WDR19: variants seen among roughly 807,000 people sequenced by gnomAD.
WDR19 encodes the protein WD repeat domain 19.
Under a neutral mutation model 180.0 loss-of-function variants are expected in WDR19, and 121 were observed. That is an observed-to-expected ratio of 0.67 (90% confidence interval 0.58 to 0.78). The LOEUF is 0.78. WDR19 is among the 30% of genes least tolerant of loss of function. The probability of loss-of-function intolerance (pLI) is 0.00; values close to 1 mark genes in which losing one functional copy is unlikely to be tolerated. For missense variants in WDR19, 1,450 were observed against 1,640.7 expected (o/e 0.88, Z 2.01); for synonymous variants, 497 against 540.7 (o/e 0.92, Z 1.12).
intron 26 of WDR19, among the ~76,000 whole-genome samples, chr4:39,255,547 A>G (rs963697543): frequency 6.6e-6 from 1 of 152,196 alleles, no homozygotes; most frequent in Non-Finnish European, 1.5e-5. Context: ...TGACAAATAT[A>G]CAGACTATTG....
Position 39,205,259 on chromosome 4 carries a change from T to C in WDR19, c.709T>C (p.Tyr237His). 1.3e-6 allele frequency: 2 copies of C among 1,590,032 alleles called. No individual in the cohort carries two copies. Among genetic ancestry groups the C allele is most frequent in the Non-Finnish European group, 1.7e-6 (2 of 1,166,550 alleles). ...GCAGGACTTTGGCAACATTGTCTGC[T>C]ATAATTGGTATGTCTGCTATAACTG... ...FQQDFGNIVC[Y>H]NWYGDGRIMI... The change falls in exon 8 of 37, where the codon TAT becomes CAT. Residue 237 changes from tyrosine to histidine, a missense_variant. Transcript: ENST00000399820.
intron 6 of WDR19, 77 bp downstream of exon 6, chr4:39,199,670 C>G (rs1334092890): frequency 8.3e-7 from 1 of 1,197,684 alleles, no homozygotes; most frequent in Non-Finnish European, 1.2e-6. Context: ...TCAAACTAAT[C>G]TATACAATTT....
At position 39,205,657 on chromosome 4, in the gene WDR19, GC is replaced by G. The variant is rs1340305839; in HGVS notation, c.812del (p.Ala271ValfsTer8). The G allele has an allele frequency of 9.3e-6, 15 of 1,612,116 alleles. No individual in the cohort carries two copies. The highest frequency in any genetic ancestry group is 1.3e-5 in the African/African-American group (1 of 74,852). ...TGELGQEIFQ[A>X]RNHKDNLTSI... ...AGAGCTTGGTCAAGAGATATTTCAG[GC>G]TCGTAACCATAAAGATAATCTAACC... On this transcript the variant is annotated frameshift_variant, in exon 9 of 37. Transcript: ENST00000399820. LOFTEE classifies it high-confidence loss of function.
intron 29 of WDR19, among the ~76,000 whole-genome samples, chr4:39,266,966 C>A (rs1439629017): frequency 6.6e-6 from 1 of 152,176 alleles, no homozygotes; most frequent in Non-Finnish European, 1.5e-5. Context: ...GCCTATAGTC[C>A]TAGCTACTCA....
At chr4:39,238,730 C>G (rs938748215) in intron 20 of WDR19, among the ~76,000 whole-genome samples, 2 of 152,076 alleles carry the variant, frequency 1.3e-5, no homozygotes, top group Non-Finnish European at 2.9e-5. Flanking sequence ...GTGAATGAGG[C>G]TTAGAGAGGT....
rs748466800 is a variant in WDR19 at position 39,228,232 on chromosome 4, T to G, written c.1652T>G (p.Ile551Ser). The change falls in exon 16 of 37, where the codon ATT (isoleucine) becomes AGT (serine). Residue 551 changes from isoleucine to serine, a missense_variant. By Grantham distance (142) the Ile-to-Ser change is moderately radical. Transcript: ENST00000399820. ...TAGGTCAATGACGCTACCTATGAGATTCCAGATTTTTCACCAACCATTAAA... is the reference window on the plus strand; with the variant it reads ...TAGGTCAATGACGCTACCTATGAGAGTCCAGATTTTTCACCAACCATTAAA... ...YCPVNDATYEIPDFSPTIKGV... is the reference protein window; with the variant it reads ...YCPVNDATYESPDFSPTIKGV... The G allele has an allele frequency of 1.2e-6, 2 of 1,613,136 alleles. No individual in the cohort carries two copies. The highest frequency in any genetic ancestry group is 1.7e-6 in the Non-Finnish European group (2 of 1,179,620).
At chr4:39,218,609 G>C (rs971367749) in intron 14 of WDR19, 1 of 152,754 alleles carries the variant, frequency 6.5e-6, no homozygotes, top group African/African-American at 2.4e-5. Flanking sequence ...GAACGTGAAG[G>C]CCTGCAGCAT....
At chr4:39,261,161 T>C (rs1734256139) in intron 28 of WDR19, among the ~76,000 whole-genome samples, 1 of 129,826 alleles carries the variant, frequency 7.7e-6, no homozygotes, top group Non-Finnish European at 1.7e-5. Context: ...TTTTTTTTTT[T>C]CTATTTTTTA....
intron 31 of WDR19, 94 bp downstream of exon 31, chr4:39,270,194 T>A: frequency 6.7e-7 from 1 of 1,493,288 alleles, no homozygotes; most frequent in East Asian, 2.3e-5. Flanking sequence ...ATTCGAGTGA[T>A]TGTCTAGATG....
At chr4:39,277,538 A>G (rs1165295867) in intron 34 of WDR19, among the ~76,000 whole-genome samples, 1 of 152,242 alleles carries the variant, frequency 6.6e-6, no homozygotes, top group East Asian at 1.9e-4. Flanking sequence ...ACTTTAACAT[A>G]TCAGGTTATT....
chr4:39,228,150 C>T (rs1730468242), intron 15 of WDR19, 60 bp from the exon 16 acceptor site: 16 of 1,583,020 alleles, frequency 1.0e-5, no homozygotes, highest in Middle Eastern at 2.3e-4. Context: ...GCTTCTACCA[C>T]GGCAAATGAT....
In WDR19 at chr4:39,268,162, T is replaced by C. The variant is rs1161110623; in HGVS notation, c.3358+71T>C. The C allele has an allele frequency of 2.3e-6, 3 of 1,292,584 alleles. No homozygotes were observed. The African/African-American group carries it at 4.5e-5, about 19-fold the overall frequency. 80.1% of individuals were successfully genotyped at this position (1,292,584 alleles called of 1,614,324 possible). ...ATCAAGCCCCAGCCCCTTTTCTGTGTAGGAAAGAGTAGCCCCTACGTTTGT... is the reference window on the plus strand; with the variant it reads ...ATCAAGCCCCAGCCCCTTTTCTGTGCAGGAAAGAGTAGCCCCTACGTTTGT... On this transcript the variant is annotated intron_variant, in intron 30 of 36. Coordinates refer to ENST00000399820, the MANE Select transcript of WDR19 (RefSeq NM_025132.4).
intron 21 of WDR19, among the ~76,000 whole-genome samples, chr4:39,242,495 C>G (rs192260873): frequency 6.6e-6 from 1 of 152,190 alleles, no homozygotes; most frequent in Admixed American, 6.5e-5. Context: ...CACTACCTTA[C>G]TGAAGTATAG....
intron 20 of WDR19, among the ~76,000 whole-genome samples, chr4:39,239,641 T>C (rs1731709510): frequency 6.6e-6 from 1 of 152,182 alleles, no homozygotes; most frequent in African/African-American, 2.4e-5. Flanking sequence ...GTAACAAAGC[T>C]GCACATCCTG....
In WDR19 at chr4:39,274,873, T is replaced by A; in HGVS notation, c.3631T>A (p.Phe1211Ile). 1 of 1,614,016 alleles carries A rather than the reference T, an allele frequency of 6.2e-7. No individual in the cohort carries two copies. The highest frequency in any genetic ancestry group is 8.5e-7 in the Non-Finnish European group (1 of 1,179,888). The part of the protein sequence containing the change: ...CHRAGLKNSA[F>I]SFAAMLMRPE... ...CAGGGCAGGCCTGAAGAACTCTGCT[T>A]TCAGCTTCGCAGCTATGTTGATGAG... is the stretch of plus-strand genomic sequence containing the variant. The change falls in exon 33 of 37, where the codon TTC becomes ATC. Residue 1211 changes from phenylalanine to isoleucine, a missense_variant. Transcript: ENST00000399820.
At chr4:39,277,462 C>T (rs1736013246) in intron 34 of WDR19, among the ~76,000 whole-genome samples, 1 of 152,176 alleles carries the variant, frequency 6.6e-6, no homozygotes, top group Non-Finnish European at 1.5e-5. Flanking sequence ...TTGGTGCCAT[C>T]CTGGCAGGCT....
chr4:39,217,333 G>T, intron 13 of WDR19, 93 bp downstream of exon 13: 3 of 1,043,864 alleles, frequency 2.9e-6, no homozygotes, highest in Non-Finnish European at 4.3e-6. Context: ...AAGCAAGGAT[G>T]TACAGACTAA....
At chr4:39,199,657 C>A in intron 6 of WDR19, 64 bp downstream of exon 6, 2 of 1,310,734 alleles carry the variant, frequency 1.5e-6, no homozygotes, top group South Asian at 1.3e-5. Context: ...AATAGTTTGT[C>A]TGTCAAACTA....
chr4:39,253,442 G>C (rs1733446063), intron 25 of WDR19, 150 bp downstream of exon 25: 47 of 911,506 alleles, frequency 5.2e-5, no homozygotes, highest in Non-Finnish European at 7.4e-5. Context: ...AGGCTGTCGT[G>C]GTCAGCAGAC....
Sources: allele counts gnomAD v4.1 joint callset (sites outside exome capture counted in the v4.1 genomes callset), GRCh38; gene constraint gnomAD v4.1.1; transcripts MANE v1.5; gene names NCBI Gene and HGNC (gene_info 2026-07-23, HGNC 2026-07-21).